ANKUB1: variants seen among roughly 807,000 people sequenced by gnomAD.
ANKUB1 encodes protein ANKUB1.
ANKUB1 carries 42 observed loss-of-function variants against 49.3 expected under a neutral mutation model. The observed-to-expected ratio is 0.85, with a 90% CI of 0.67 to 1.10. The LOEUF (loss-of-function observed/expected upper bound fraction) is 1.10. Among genes scored for constraint, ANKUB1 ranks in the 50% least tolerant of loss-of-function variants. The pLI is 0.00. For synonymous variants in ANKUB1, 222 were observed against 231.0 expected (o/e 0.96, Z 0.35); for missense variants, 613 against 642.0 (o/e 0.95, Z 0.49).
Position 149,780,293 on chromosome 3 carries a change from T to C in ANKUB1, c.397A>G (p.Arg133Gly). The change falls in exon 3 of 6, where the codon AGG becomes GGG. Residue 133 changes from arginine (R) to glycine (G), a missense_variant. Arg to Gly is a moderately radical substitution (Grantham distance 125). Transcript: ENST00000446160. Reference sequence around the variant, plus strand: ...TTGCAATCATACATCTCCAGGCCCCTTGGGGTTCGGAGACAGTAGACACTC... The same window carrying C: ...TTGCAATCATACATCTCCAGGCCCCCTGGGGTTCGGAGACAGTAGACACTC... ...PVSVYCLRTP[R>G]GLEMYDCNTL... 1 of 1,551,694 alleles carries C rather than the reference T, an allele frequency of 6.4e-7. No homozygotes were observed. The highest frequency in any genetic ancestry group is 8.7e-7 in the Non-Finnish European group (1 of 1,147,004).
At chr3:149,763,723 G>A (rs1268253053) in intron 5 of ANKUB1, among the ~76,000 whole-genome samples, 1 of 152,144 alleles carries the variant, frequency 6.6e-6, no homozygotes, top group East Asian at 1.9e-4. Context: ...TCTTTGACCT[G>A]TGTAAAGCCT....
intron 2 of ANKUB1, among the ~76,000 whole-genome samples, chr3:149,787,481 G>C (rs1718158987): frequency 6.6e-6 from 1 of 152,110 alleles, no homozygotes; most frequent in South Asian, 2.1e-4. Flanking sequence ...TGAGACAATG[G>C]GGTTTTCTAA....
chr3:149,767,305 G>A lies in ANKUB1; in HGVS notation c.1357C>T (p.Pro453Ser), dbSNP rs768576235. ...NTYLPQVPLP[P>S]VSRVGYSHPS... ...TGTGAATATCCCACTCTTGAAACTGGAGGGAGGGGGACTTGGGGAAGATAT... is the reference window on the plus strand; with the variant it reads ...TGTGAATATCCCACTCTTGAAACTGAAGGGAGGGGGACTTGGGGAAGATAT... The change falls in exon 5 of 6, where the codon CCA becomes TCA. Residue 453 changes from proline to serine, a missense_variant. Pro to Ser is a moderately conservative substitution (Grantham distance 74). Transcript: ENST00000446160. 9.7e-6 allele frequency: 15 copies of A among 1,551,540 alleles called. No individual in the cohort carries two copies. In the South Asian group the frequency reaches 1.8e-4, roughly 18 times the overall value.
chr3:149,779,045 G>C (rs565983603), intron 3 of ANKUB1: 4 of 152,142 alleles, frequency 2.6e-5, no homozygotes, highest in Admixed American at 6.5e-5. Context: ...GTGTGTCATC[G>C]TCAGGTAGGG....
At position 149,790,843 on chromosome 3, in the gene ANKUB1, C is replaced by A. The variant is rs1222656176; in HGVS notation, c.172G>T (p.Asp58Tyr). The change falls in exon 2 of 6, where the codon GAC becomes TAC. Residue 58 changes from aspartate (D) to tyrosine (Y), a missense_variant. Transcript: ENST00000446160. ...CCAACATCAGCAAGACTCCAACTGTCCTTTAGAGCAGCTCCAGCATACATT... is the reference window on the plus strand; with the variant it reads ...CCAACATCAGCAAGACTCCAACTGTACTTTAGAGCAGCTCCAGCATACATT... Reference protein sequence around the residue: ...ELMYAGAALKDSWSLADVGIS... With the variant: ...ELMYAGAALKYSWSLADVGIS... 2 of 1,552,140 alleles carry A rather than the reference C, an allele frequency of 1.3e-6. No homozygotes were observed. Among genetic ancestry groups the A allele is most frequent in the Admixed American group, 3.9e-5 (2 of 51,006 alleles).
chr3:149,772,830 G>A (rs1022900998), intron 3 of ANKUB1, among the ~76,000 whole-genome samples: 1 of 152,160 alleles, frequency 6.6e-6, no homozygotes, highest in Non-Finnish European at 1.5e-5. Context: ...CCTCCTAACC[G>A]AGCAGGTTGG....
chr3:149,773,420 A>G (rs889760884), intron 3 of ANKUB1, among the ~76,000 whole-genome samples: 1 of 152,164 alleles, frequency 6.6e-6, no homozygotes, highest in Non-Finnish European at 1.5e-5. Context: ...CTCGATCCTC[A>G]TAACTCGGGC....
chr3:149,780,891 T>C (rs1240345036), intron 2 of ANKUB1, among the ~76,000 whole-genome samples: 1 of 151,940 alleles, frequency 6.6e-6, no homozygotes, highest in Non-Finnish European at 1.5e-5. Flanking sequence ...GAGTTGAGAG[T>C]GGGAGGGAGT....
rs368139346 is a variant in ANKUB1, at chr3:149,768,105, T to A, written c.567-10A>T. The A allele has an allele frequency of 1.4e-5, 19 of 1,338,414 alleles. No homozygotes were observed. The African/African-American group carries it at 2.1e-4, about 15-fold the overall frequency. 82.9% of individuals were successfully genotyped at this position (1,338,414 alleles called of 1,614,324 possible). Reference sequence around the variant, plus strand: ...TACCCTTTTCTGATACCTAAATGAGTGAAACAAGTGGGGAGGGGGTGTTTA... The same window carrying A: ...TACCCTTTTCTGATACCTAAATGAGAGAAACAAGTGGGGAGGGGGTGTTTA... On this transcript the variant is annotated splice_polypyrimidine_tract_variant and intron_variant, in intron 4 of 5. Transcript: ENST00000446160.
chr3:149,772,643 T>C lies in ANKUB1; in HGVS notation c.452-1969A>G, dbSNP rs371103636. ...TTAACCTCTGCTTAAAATGAGATAT[T>C]TTTCTGTTTGCTTGATGGTGTTTGC... is the stretch of plus-strand genomic sequence containing the variant. On this transcript the variant is annotated intron_variant, in intron 3 of 5. Coordinates refer to ENST00000446160, the MANE Select transcript of ANKUB1 (RefSeq NM_001144960.3). Among the ~76,000 whole-genome samples the C allele has an allele frequency of 1.4e-4, 21 of 152,304 alleles. No individual in the cohort carries two copies. In the East Asian group the frequency reaches 4.1e-3, roughly 29 times the overall value.
chr3:149,766,252 C>T (rs1462199881), intron 5 of ANKUB1, among the ~76,000 whole-genome samples: 1 of 152,056 alleles, frequency 6.6e-6, no homozygotes, highest in East Asian at 1.9e-4. Flanking sequence ...ATTCTAGCAC[C>T]CTGTCCAATA....
intron 2 of ANKUB1, among the ~76,000 whole-genome samples, chr3:149,787,627 T>C (rs536003664): frequency 6.6e-6 from 1 of 152,286 alleles, no homozygotes; most frequent in African/African-American, 2.4e-5. Flanking sequence ...GTGGTGAGAA[T>C]ACAATGTTCT....
rs147141397 is a variant in ANKUB1, at chr3:149,772,623, C to G, written c.452-1949G>C. Reference sequence around the variant, plus strand: ...CTTCTTTTACTTCGTAGCTCTTAACCTCTGCTTAAAATGAGATATTTTTCT... The same window carrying G: ...CTTCTTTTACTTCGTAGCTCTTAACGTCTGCTTAAAATGAGATATTTTTCT... On this transcript the variant is annotated intron_variant, in intron 3 of 5. Transcript: ENST00000446160. 1.2e-4 allele frequency among the ~76,000 whole-genome samples: 18 copies of G among 152,268 alleles called. No homozygotes were observed. In the East Asian group the frequency reaches 3.3e-3, roughly 28 times the overall value.
chr3:149,770,669 T>C lies in ANKUB1; in HGVS notation c.457A>G (p.Thr153Ala). ...CCATCCCAGACATCCAAGCGAAGTG[T>C]TGTGCCTGTGGATCAAGAGAGGTGG... is the stretch of plus-strand genomic sequence containing the variant. ...LKDYQTDIGT[T>A]LRLDVWDGWK... is the part of the protein sequence containing the mutation. Residue 153 changes from threonine to alanine, a missense_variant, in exon 4 of 6, where the codon ACA becomes GCA. Thr to Ala is a moderately conservative substitution (Grantham distance 58, BLOSUM62 0). Coordinates refer to ENST00000446160, the MANE Select transcript of ANKUB1 (RefSeq NM_001144960.3). The C allele has an allele frequency of 1.3e-6, 2 of 1,543,564 alleles. No individual in the cohort carries two copies. Among genetic ancestry groups the C allele is most frequent in the Middle Eastern group, 1.7e-4 (1 of 5,980 alleles).
At chr3:149,768,332 C>G (rs1717163547) in intron 4 of ANKUB1, among the ~76,000 whole-genome samples, 1 of 152,100 alleles carries the variant, frequency 6.6e-6, no homozygotes, top group South Asian at 2.1e-4. Context: ...GGTCATCTTT[C>G]TTATAAAAAT....
intron 4 of ANKUB1, among the ~76,000 whole-genome samples, chr3:149,768,635 G>A (rs1219632676): frequency 2.6e-5 from 4 of 151,974 alleles, no homozygotes; most frequent in African/African-American, 4.8e-5. Flanking sequence ...TCCACCTCCC[G>A]AGTTGAAGCA....
chr3:149,786,410 C>T (rs1434378705), intron 2 of ANKUB1, among the ~76,000 whole-genome samples: 3 of 152,098 alleles, frequency 2.0e-5, no homozygotes, highest in Non-Finnish European at 4.4e-5. Context: ...TGTCCTTTGC[C>T]CACTTTTTGA....
chr3:149,790,622 C>A (rs1170601252), intron 2 of ANKUB1, among the ~76,000 whole-genome samples, 159 bp downstream of exon 2: 1 of 152,134 alleles, frequency 6.6e-6, no homozygotes, highest in East Asian at 1.9e-4. Flanking sequence ...CCCCTTACAG[C>A]ACAAAGCATG....
intron 4 of ANKUB1, among the ~76,000 whole-genome samples, chr3:149,768,998 A>G (rs1320624129): frequency 6.6e-6 from 1 of 152,234 alleles, no homozygotes; most frequent in Non-Finnish European, 1.5e-5. Context: ...ATTAAAAGTA[A>G]CAAAGCAACA....
Sources: allele counts gnomAD v4.1 joint callset (sites outside exome capture counted in the v4.1 genomes callset), GRCh38; gene constraint gnomAD v4.1.1; transcripts MANE v1.5; gene names NCBI Gene and HGNC (gene_info 2026-07-23, HGNC 2026-07-21).